Variants in CNTN5 observed in about 807,000 individuals in gnomAD.
CNTN5 encodes the protein contactin-5.
In CNTN5, 77 loss-of-function variants were observed where a neutral mutation model predicts 129.1. The ratio of observed to expected loss-of-function variants is 0.60; its 90% CI spans 0.50 to 0.72. The LOEUF (loss-of-function observed/expected upper bound fraction) is 0.72. Among genes scored for constraint, CNTN5 ranks in the 30% least tolerant of loss-of-function variants. The probability of loss-of-function intolerance (pLI) is 0.00; values close to 1 mark genes in which losing one functional copy is unlikely to be tolerated. For missense variants in CNTN5, 1,478 were observed against 1,328.8 expected, an observed-to-expected ratio of 1.11 and a Z score of -1.75; for synonymous variants, 509 against 465.6, an observed-to-expected ratio of 1.09 and a Z score of -1.20.
At chr11:99,417,982 C>T (rs1346723184) in intron 2 of CNTN5, among the ~76,000 whole-genome samples, 1 of 152,096 alleles carries the variant, frequency 6.6e-6, no homozygotes, top group Non-Finnish European at 1.5e-5. Flanking sequence ...CTGACTTGGA[C>T]AACTCTTTTC....
intron 1 of CNTN5, among the ~76,000 whole-genome samples, chr11:99,304,788 A>C (rs546408072): frequency 6.6e-6 from 1 of 152,312 alleles, no homozygotes; most frequent in Admixed American, 6.5e-5. Context: ...TCACTCCTGA[A>C]GTATGGTCAT....
At chr11:99,602,539 A>C (rs1198297830) in intron 3 of CNTN5, among the ~76,000 whole-genome samples, 1 of 152,168 alleles carries the variant, frequency 6.6e-6, no homozygotes, top group Non-Finnish European at 1.5e-5. Flanking sequence ...CCATATATTA[A>C]TATAGTTATA....
At chr11:99,248,490 G>T (rs1312485856) in intron 1 of CNTN5, among the ~76,000 whole-genome samples, 15 of 151,990 alleles carry the variant, frequency 9.9e-5, no homozygotes, top group Middle Eastern at 3.4e-3. Context: ...GTCAATTTTG[G>T]CTTTTGTTGC....
intron 3 of CNTN5, among the ~76,000 whole-genome samples, chr11:99,624,516 T>G (rs982027302): frequency 2.0e-5 from 3 of 152,158 alleles, no homozygotes; most frequent in African/African-American, 7.2e-5. Context: ...TGGTGGGTTT[T>G]GAGAGTGAAC....
intron 3 of CNTN5, among the ~76,000 whole-genome samples, chr11:99,584,704 G>A (rs1357919640): frequency 1.2e-4 from 19 of 152,194 alleles, no homozygotes; most frequent in African/African-American, 2.9e-4. Flanking sequence ...TCTGCTTCAC[G>A]CATGCAGAAG....
chr11:99,549,763 T>C (rs1389784), intron 2 of CNTN5, among the ~76,000 whole-genome samples: 13,430 of 152,042 alleles, frequency 0.088, 1,178 homozygotes, highest in East Asian at 0.34. Flanking sequence ...TGAGCCATAG[T>C]TGTGTCTTTA....
intron 2 of CNTN5, among the ~76,000 whole-genome samples, chr11:99,389,286 G>T (rs1941108468): frequency 6.6e-6 from 1 of 151,958 alleles, no homozygotes; most frequent in South Asian, 2.1e-4. Context: ...TCTCAGCCCT[G>T]CAAAGTGCTG....
chr11:99,753,878 G>A (rs1430584911), intron 3 of CNTN5, among the ~76,000 whole-genome samples: 3 of 150,790 alleles, frequency 2.0e-5, no homozygotes, highest in African/African-American at 7.3e-5. Flanking sequence ...AGTAGAAATG[G>A]GGTTTTGCTA....
intron 4 of CNTN5, among the ~76,000 whole-genome samples, chr11:99,822,297 G>GAAATA (rs1273490921): frequency 2.0e-5 from 3 of 152,148 alleles, no homozygotes; most frequent in African/African-American, 7.2e-5. Flanking sequence ...CAAGTACGAG[G>GAAATA]AAATAAAACG....
chr11:100,065,295 T>C (rs920378215), intron 10 of CNTN5, among the ~76,000 whole-genome samples: 2 of 152,138 alleles, frequency 1.3e-5, no homozygotes, highest in African/African-American at 4.8e-5. Context: ...ACTTTTTTTT[T>C]CATCCAGCCC....
At chr11:99,151,023 A>G (rs1338880314) in intron 1 of CNTN5, among the ~76,000 whole-genome samples, 2 of 152,200 alleles carry the variant, frequency 1.3e-5, no homozygotes, top group Admixed American at 6.5e-5. Context: ...TATTAAAAGG[A>G]TGGATATTTT....
intron 3 of CNTN5, among the ~76,000 whole-genome samples, chr11:99,646,604 G>A (rs1351763373): frequency 6.6e-6 from 1 of 152,084 alleles, no homozygotes; most frequent in African/African-American, 2.4e-5. Flanking sequence ...ATGCACTTAT[G>A]TCCTTAGAAG....
intron 3 of CNTN5, among the ~76,000 whole-genome samples, chr11:99,704,692 A>T (rs891096541): frequency 6.6e-6 from 1 of 151,252 alleles, no homozygotes; most frequent in Non-Finnish European, 1.5e-5. Flanking sequence ...TTTTATCTAT[A>T]TATGCATTCT....
intron 1 of CNTN5, among the ~76,000 whole-genome samples, chr11:99,267,066 C>T (rs777705910): frequency 7.2e-5 from 11 of 151,826 alleles, no homozygotes; most frequent in African/African-American, 2.2e-4. Flanking sequence ...ATGGATAAGA[C>T]GTGAATTCTA....
rs1192134474 is a variant in CNTN5 at position 99,857,181 on chromosome 11, GC to G, written c.577+11920del. Among the ~76,000 whole-genome samples the G allele has an allele frequency of 5.9e-5, 9 of 151,884 alleles. No individual in the cohort carries two copies. In the East Asian group the frequency reaches 1.5e-3, roughly 26 times the overall value. On this transcript the variant is annotated intron_variant, in intron 6 of 24. Coordinates refer to ENST00000524871, the MANE Select transcript of CNTN5 (RefSeq NM_014361.4). ...TTCATTACAACTATTTAAAACAATG[GC>G]TGAAGCCATTCCAAGCACACCACTG... is the stretch of plus-strand genomic sequence containing the variant.
At chr11:99,242,929 A>T (rs546070616) in intron 1 of CNTN5, among the ~76,000 whole-genome samples, 1 of 152,132 alleles carries the variant, frequency 6.6e-6, no homozygotes, top group African/African-American at 2.4e-5. Flanking sequence ...TATGGTGGAC[A>T]GTGCTGTGAT....
intron 1 of CNTN5, among the ~76,000 whole-genome samples, chr11:99,044,988 A>G (rs1225670597): frequency 6.6e-6 from 1 of 152,134 alleles, no homozygotes; most frequent in African/African-American, 2.4e-5. Context: ...TAAAATGATA[A>G]TACTACTTAT....
chr11:99,930,796 A>ACACACAC (rs1950174060), intron 7 of CNTN5, among the ~76,000 whole-genome samples: 8 of 149,562 alleles, frequency 5.3e-5, no homozygotes, highest in Middle Eastern at 3.4e-3. Context: ...CATACACACA[A>ACACACAC]ACACACACAC....
intron 8 of CNTN5, among the ~76,000 whole-genome samples, chr11:99,964,340 C>G (rs1032716735): frequency 5.3e-5 from 8 of 152,094 alleles, no homozygotes; most frequent in African/African-American, 1.9e-4. Context: ...CCATCAATAC[C>G]TAATTTATTG....
Sources: gnomAD v4.1 joint callset for allele counts (sites outside exome capture counted in the v4.1 genomes callset) on GRCh38, gnomAD v4.1.1 for gene constraint, MANE v1.5 for transcripts, NCBI Gene and HGNC (gene_info 2026-07-23, HGNC 2026-07-21) for gene names.